TTC6: variants seen among roughly 807,000 people sequenced by gnomAD.
TTC6 encodes tetratricopeptide repeat protein 6.
In TTC6, 172 loss-of-function variants were observed where a neutral mutation model predicts 210.4. The observed-to-expected ratio is 0.82, with a 90% CI of 0.72 to 0.93. The LOEUF is 0.93. TTC6 is among the 40% of genes least tolerant of loss of function. The pLI, the probability that TTC6 is intolerant of heterozygous loss-of-function variation, is 0.00. For synonymous variants in TTC6, 804 were observed against 819.6 expected (o/e 0.98, Z 0.32); for missense variants, 2,414 against 2,318.1 (o/e 1.04, Z -0.85).
intron 14 of TTC6, among the ~76,000 whole-genome samples, chr14:37,770,430 G>A (rs937274413): frequency 6.6e-6 from 1 of 151,954 alleles, no homozygotes; most frequent in African/African-American, 2.4e-5. Flanking sequence ...ATTAATGTGT[G>A]GGAGTCTAAG....
rs1260737018 is a variant in TTC6 at position 37,795,353 on chromosome 14, G to A, written c.3791+1G>A. ...ATGGAATCCAATTATACATAAGAAGGTATGAGCATAGAAACTGAATTCTTC... is the reference window on the plus strand; with the variant it reads ...ATGGAATCCAATTATACATAAGAAGATATGAGCATAGAAACTGAATTCTTC... On this transcript the variant is annotated splice_donor_variant, in intron 18 of 30. Transcript: ENST00000553443. LOFTEE classifies it high-confidence loss of function. 1 of 1,512,050 alleles carries A rather than the reference G, an allele frequency of 6.6e-7. No individual in the cohort carries two copies. The highest frequency in any genetic ancestry group is 8.8e-7 in the Non-Finnish European group (1 of 1,132,414). The allele number at this position is 1,512,050 out of a possible 1,614,324, so 93.7% of individuals were successfully genotyped here.
intron 29 of TTC6, among the ~76,000 whole-genome samples, chr14:37,834,786 T>C (rs1445552759): frequency 2.0e-5 from 3 of 152,218 alleles, no homozygotes; most frequent in Admixed American, 1.3e-4. Context: ...GCTCATCTGG[T>C]GTAACCATCA....
intron 3 of TTC6, among the ~76,000 whole-genome samples, chr14:37,693,612 A>G (rs2095808666): frequency 6.6e-6 from 1 of 152,028 alleles, no homozygotes; most frequent in Non-Finnish European, 1.5e-5. Context: ...ACAAACAAAC[A>G]ACGACAACAA....
chr14:37,693,805 A>G (rs1448327364), intron 3 of TTC6, among the ~76,000 whole-genome samples: 1 of 152,180 alleles, frequency 6.6e-6, no homozygotes, highest in Non-Finnish European at 1.5e-5. Context: ...TTTTCAACAA[A>G]GGTGTCAAGA....
At chr14:37,659,502 CGTT>C (rs796569495) in intron 1 of TTC6, among the ~76,000 whole-genome samples, 4 of 146,430 alleles carry the variant, frequency 2.7e-5, no homozygotes, top group African/African-American at 7.5e-5. Context: ...GATGGTATCT[CGTT>C]GTCGTTTTAT....
chr14:37,729,318 TTGG>T (rs1332508779), intron 7 of TTC6, among the ~76,000 whole-genome samples: 5 of 152,180 alleles, frequency 3.3e-5, no homozygotes, highest in Admixed American at 3.3e-4. Context: ...ATGCAGAAGA[TTGG>T]TGAATATTAA....
In TTC6 at chr14:37,837,559, A is replaced by G. The variant is rs1267495579; in HGVS notation, c.5299-3886A>G. The G allele has an allele frequency of 1.9e-5, 6 of 312,068 alleles. No individual in the cohort carries two copies. The East Asian group carries it at 5.9e-4, about 31-fold the overall frequency. The allele number at this position is 312,068 out of a possible 1,614,324, so 19.3% of individuals were successfully genotyped here. ...TGCCTAAAGGTGATGTTCCCTCTCC[A>G]TGTATAGACACTGGGAAAAACATGA... On this transcript the variant is annotated intron_variant, in intron 29 of 30. Transcript: ENST00000553443.
At chr14:37,830,817 C>G (rs1239753904) in intron 29 of TTC6, among the ~76,000 whole-genome samples, 1 of 151,516 alleles carries the variant, frequency 6.6e-6, no homozygotes, top group African/African-American at 2.4e-5. Flanking sequence ...TTGATACATA[C>G]TAATTGTACA....
chr14:37,661,290 G>C (rs1307826743), intron 1 of TTC6, among the ~76,000 whole-genome samples: 1 of 152,112 alleles, frequency 6.6e-6, no homozygotes, highest in African/African-American at 2.4e-5. Flanking sequence ...GTATTGCCTA[G>C]ATTCTCTTCT....
At chr14:37,725,980 A>G (rs2095872336) in intron 7 of TTC6, among the ~76,000 whole-genome samples, 1 of 152,166 alleles carries the variant, frequency 6.6e-6, no homozygotes, top group Non-Finnish European at 1.5e-5. Flanking sequence ...AATAAAACAA[A>G]ATAACCTATT....
chr14:37,681,510 G>A (rs2095783495), intron 2 of TTC6, among the ~76,000 whole-genome samples: 1 of 152,078 alleles, frequency 6.6e-6, no homozygotes, highest in African/African-American at 2.4e-5. Context: ...CCTAAGCATT[G>A]ACATTTACAG....
At chr14:37,751,409 T>G (rs2095951532) in intron 13 of TTC6, among the ~76,000 whole-genome samples, 184 bp downstream of exon 15, 1 of 152,190 alleles carries the variant, frequency 6.6e-6, no homozygotes, top group African/African-American at 2.4e-5. Context: ...TTAATTATTA[T>G]TTTTTAAATG....
chr14:37,809,093 C>A (rs1011519071), intron 24 of TTC6, among the ~76,000 whole-genome samples: 1 of 152,102 alleles, frequency 6.6e-6, no homozygotes, highest in African/African-American at 2.4e-5. Flanking sequence ...TATTTAATTT[C>A]TTTGTTGGTG....
upstream of TTC6, chr14:37,622,036 G>C (rs1290894031): frequency 1.0e-5 from 15 of 1,461,402 alleles, no homozygotes; most frequent in Non-Finnish European, 2.7e-6. Context: ...TTGTTTTGGG[G>C]GCTTACTTTA....
intron 1 of TTC6, among the ~76,000 whole-genome samples, chr14:37,668,903 C>T (rs1034074014): frequency 1.3e-5 from 2 of 152,160 alleles, no homozygotes; most frequent in East Asian, 3.9e-4. Context: ...TAAAGACTGT[C>T]GTGATGTCTC....
At chr14:37,772,800 T>A (rs1277659129) in intron 14 of TTC6, among the ~76,000 whole-genome samples, 1 of 152,202 alleles carries the variant, frequency 6.6e-6, no homozygotes, top group Non-Finnish European at 1.5e-5. Context: ...AGACCGGAGC[T>A]GTTCCTATTC....
chr14:37,632,815 C>G (rs561249594), intron 1 of TTC6, among the ~76,000 whole-genome samples: 1 of 152,318 alleles, frequency 6.6e-6, no homozygotes, highest in East Asian at 1.9e-4. Context: ...GATGCCCTGC[C>G]CAGAGAGGAG....
intron 14 of TTC6, among the ~76,000 whole-genome samples, chr14:37,758,762 T>C (rs1228188779): frequency 6.6e-6 from 1 of 152,214 alleles, no homozygotes; most frequent in Non-Finnish European, 1.5e-5. Flanking sequence ...CATTAGTTGG[T>C]GCAGTTTCTT....
intron 10 of TTC6, among the ~76,000 whole-genome samples, chr14:37,746,321 G>T (rs2139000105): frequency 6.6e-6 from 1 of 152,178 alleles, no homozygotes; most frequent in South Asian, 2.1e-4. Flanking sequence ...CAAGGGTTGG[G>T]ACTTGACTAA....
Sources: gnomAD v4.1 joint callset for allele counts (sites outside exome capture counted in the v4.1 genomes callset) on GRCh38, gnomAD v4.1.1 for gene constraint, MANE v1.5 for transcripts, NCBI Gene and HGNC (gene_info 2026-07-23, HGNC 2026-07-21) for gene names.